The following SNTG1 variants were observed in gnomAD, a reference collection of about 807,000 sequenced individuals.
SNTG1 encodes the protein syntrophin gamma 1.
A neutral mutation model predicts 74.7 loss-of-function variants in SNTG1; 39 were observed. That is an observed-to-expected ratio of 0.52 (90% CI 0.40 to 0.68). SNTG1 has a LOEUF of 0.68. SNTG1 is among the 30% of genes least tolerant of loss of function. SNTG1 has a pLI of 0.00. For missense variants in SNTG1, 685 were observed against 609.5 expected (o/e 1.12, Z -1.30); for synonymous variants, 254 against 217.1 (o/e 1.17, Z -1.49).
chr8:50,039,472 A>C (rs1043966712), intron 1 of SNTG1, among the ~76,000 whole-genome samples: 4 of 151,050 alleles, frequency 2.6e-5, no homozygotes, highest in Admixed American at 1.3e-4. Flanking sequence ...AAAAAAAAAA[A>C]AAAAAAAAAA....
chr8:50,447,844 T>C (rs910511537), intron 5 of SNTG1, among the ~76,000 whole-genome samples: 1 of 152,240 alleles, frequency 6.6e-6, no homozygotes, highest in Non-Finnish European at 1.5e-5. Flanking sequence ...TTTGGAGTTC[T>C]AACTCATAAA....
chr8:50,200,930 G>A (rs929732015), intron 2 of SNTG1, among the ~76,000 whole-genome samples: 1 of 152,088 alleles, frequency 6.6e-6, no homozygotes. Flanking sequence ...TATGAATCCA[G>A]TGTACAAATC....
chr8:50,484,124 C>CTT (rs1237557478), intron 8 of SNTG1, among the ~76,000 whole-genome samples: 3 of 114,992 alleles, frequency 2.6e-5, no homozygotes, highest in African/African-American at 9.7e-5. Flanking sequence ...TTCTTTCTTT[C>CTT]TTTCTTTCTT....
intron 18 of SNTG1, among the ~76,000 whole-genome samples, chr8:50,779,295 G>T (rs2095651086): frequency 6.6e-6 from 1 of 152,132 alleles, no homozygotes; most frequent in Non-Finnish European, 1.5e-5. Context: ...ATTTTGGGCA[G>T]TATGGTCATT....
At position 50,624,890 on chromosome 8, in the gene SNTG1, C is replaced by T. The variant is rs148790518; in HGVS notation, c.850-32019C>T. Among the ~76,000 whole-genome samples the T allele has an allele frequency of 9.5e-4, 144 of 152,264 alleles. 1 individual carries two copies. The highest frequency in any genetic ancestry group is 4.3e-3 in the East Asian group (22 of 5,174). On this transcript the variant is annotated intron_variant, in intron 13 of 18. Coordinates refer to ENST00000642720, the MANE Select transcript of SNTG1 (RefSeq NM_018967.5). ...AAGGAAAGTGACTCTGTCTTCCACA[C>T]GGAGACGTTCATAGAGTCAAAGAAA... is the stretch of plus-strand genomic sequence containing the variant.
chr8:50,292,753 T>C (rs1302127410), intron 2 of SNTG1, among the ~76,000 whole-genome samples: 1 of 152,186 alleles, frequency 6.6e-6, no homozygotes, highest in Non-Finnish European at 1.5e-5. Context: ...AAGGAATGTT[T>C]TGATATTTGG....
At chr8:50,427,363 G>C (rs2131500822) in intron 4 of SNTG1, among the ~76,000 whole-genome samples, 1 of 152,216 alleles carries the variant, frequency 6.6e-6, no homozygotes, top group African/African-American at 2.4e-5. Context: ...TTTAAAAACT[G>C]TATTGAAGAC....
chr8:50,301,856 TTTTTTG>T (rs2089663788), intron 2 of SNTG1, among the ~76,000 whole-genome samples: 5 of 106,960 alleles, frequency 4.7e-5, no homozygotes, highest in African/African-American at 1.3e-4. Context: ...TCTGTTTTTG[TTTTTTG>T]TTTTTTTTTT....
intron 13 of SNTG1, among the ~76,000 whole-genome samples, chr8:50,648,361 C>A (rs747923537): frequency 2.6e-5 from 4 of 152,058 alleles, no homozygotes; most frequent in African/African-American, 4.8e-5. Flanking sequence ...CGAACATATT[C>A]TTTTTTGTGA....
intron 2 of SNTG1, among the ~76,000 whole-genome samples, chr8:50,185,778 T>G (rs191255593): frequency 6.6e-6 from 1 of 152,276 alleles, no homozygotes; most frequent in East Asian, 1.9e-4. Flanking sequence ...ATTCATTTTT[T>G]TCTATATTAT....
In SNTG1 at chr8:50,444,909, C is replaced by T. The variant is rs115698153; in HGVS notation, c.220-4759C>T. On this transcript the variant is annotated intron_variant, in intron 5 of 18. Coordinates refer to ENST00000642720, the MANE Select transcript of SNTG1 (RefSeq NM_018967.5). ...ACATAGCTTTATTGAGGTATAATTC[C>T]AATACCATACAATTTACCCATTTAA... Among the ~76,000 whole-genome samples the T allele has an allele frequency of 4.8e-3, 737 of 152,162 alleles. 11 individuals are homozygous for T. Among genetic ancestry groups the T allele is most frequent in the African/African-American group, 0.015 (618 of 41,514 alleles).
intron 10 of SNTG1, among the ~76,000 whole-genome samples, chr8:50,534,712 G>A (rs527565321): frequency 7.4e-4 from 113 of 151,992 alleles, no homozygotes; most frequent in Non-Finnish European, 9.1e-4. Flanking sequence ...CCCCAGGGGC[G>A]GAGGTTTCAG....
intron 1 of SNTG1, among the ~76,000 whole-genome samples, chr8:50,046,542 A>G (rs1478973535): frequency 1.3e-5 from 2 of 152,216 alleles, no homozygotes; most frequent in Non-Finnish European, 2.9e-5. Context: ...AAATATTCTG[A>G]AATCAAGAAT....
At chr8:50,734,635 C>A (rs1268442655) in intron 17 of SNTG1, among the ~76,000 whole-genome samples, 1 of 148,932 alleles carries the variant, frequency 6.7e-6, no homozygotes, top group Non-Finnish European at 1.5e-5. Flanking sequence ...CTTTCGCTCT[C>A]TCATCTCTTT....
intron 2 of SNTG1, among the ~76,000 whole-genome samples, chr8:50,183,140 G>A (rs1563708433): frequency 6.6e-6 from 1 of 152,026 alleles, no homozygotes; most frequent in Non-Finnish European, 1.5e-5. Flanking sequence ...TCCTTTGCTA[G>A]GCATTTCATC....
intron 1 of SNTG1, among the ~76,000 whole-genome samples, chr8:50,056,584 C>T (rs1820041716): frequency 6.6e-6 from 1 of 152,104 alleles, no homozygotes; most frequent in Admixed American, 6.5e-5. Context: ...TGTTCACAAA[C>T]CACACAAAGC....
chr8:50,063,280 A>C (rs1820629328), intron 1 of SNTG1, among the ~76,000 whole-genome samples: 1 of 152,264 alleles, frequency 6.6e-6, no homozygotes, highest in African/African-American at 2.4e-5. Flanking sequence ...CAGGAATTGA[A>C]AAGACTGAGA....
At chr8:50,357,497 C>T (rs1373707904) in intron 2 of SNTG1, among the ~76,000 whole-genome samples, 1 of 152,140 alleles carries the variant, frequency 6.6e-6, no homozygotes, top group Non-Finnish European at 1.5e-5. Context: ...TACAAGTGTC[C>T]TTGGCATGTG....
At position 50,400,557 on chromosome 8, in the gene SNTG1, T is replaced by A. The variant is rs551422666; in HGVS notation, c.28-1653T>A. The stretch of plus-strand genomic sequence containing the variant: ...ATGGAATTGCTGGATCAGTTTTTAA[T>A]TTTTTAAGGAATCTTCATACTGTTT... On this transcript the variant is annotated intron_variant, in intron 3 of 18. Transcript: ENST00000642720. 2.6e-5 allele frequency among the ~76,000 whole-genome samples: 4 copies of A among 152,306 alleles called. No individual in the cohort carries two copies. In the South Asian group the frequency reaches 8.3e-4, roughly 32 times the overall value.
Sources: allele counts gnomAD v4.1 joint callset (sites outside exome capture counted in the v4.1 genomes callset), GRCh38; gene constraint gnomAD v4.1.1; transcripts MANE v1.5; gene names NCBI Gene and HGNC (gene_info 2026-07-23, HGNC 2026-07-21).